MAML2: variants seen among roughly 807,000 people sequenced by gnomAD.
The protein encoded by MAML2 is mastermind-like protein 2.
In MAML2, 22 loss-of-function variants were observed where a neutral mutation model predicts 96.1. The observed-to-expected ratio is 0.23, with a 90% CI of 0.16 to 0.33. The LOEUF is 0.33. Ranked by LOEUF, MAML2 falls within the 10% of genes least tolerant of loss-of-function variation. The pLI, the probability that MAML2 is intolerant of heterozygous loss-of-function variation, is 1.00. For synonymous variants in MAML2, 561 were observed against 521.3 expected, an observed-to-expected ratio of 1.08 and a Z score of -1.04; for missense variants, 1,367 against 1,392.4, an observed-to-expected ratio of 0.98 and a Z score of 0.29.
chr11:96,006,973 G>A (rs555858041), intron 2 of MAML2, among the ~76,000 whole-genome samples: 1 of 151,220 alleles, frequency 6.6e-6, no homozygotes, highest in East Asian at 2.0e-4. Context: ...AGGTAGACTA[G>A]TAAGCCTAAA....
At position 96,093,071 on chromosome 11, in the gene MAML2, G is replaced by T; in HGVS notation, c.960C>A (p.Pro320=). The T allele has an allele frequency of 6.2e-7, 1 of 1,614,010 alleles. No individual in the cohort carries two copies. Among genetic ancestry groups the T allele is most frequent in the Non-Finnish European group, 8.5e-7 (1 of 1,179,890 alleles). ...TGTTCTCCAGTTCAAGGTCACTCAT[G>T]GGAGGCACAGATATGTTGGTCAGTT... The part of the protein sequence containing the change: ...FNELTNISVP[P]MSDLELENMI... Residue 320 remains proline (P), a synonymous_variant, in exon 2 of 5, where the codon CCC becomes CCA. Coordinates refer to ENST00000524717, the MANE Select transcript of MAML2 (RefSeq NM_032427.4).
intron 2 of MAML2, among the ~76,000 whole-genome samples, chr11:96,038,477 T>C (rs1858754456): frequency 6.6e-6 from 1 of 152,230 alleles, no homozygotes; most frequent in Non-Finnish European, 1.5e-5. Flanking sequence ...AAATTCAATG[T>C]TTTAAACTGG....
At chr11:96,243,809 A>G (rs1862473853) in intron 1 of MAML2, among the ~76,000 whole-genome samples, 1 of 151,904 alleles carries the variant, frequency 6.6e-6, no homozygotes, top group African/African-American at 2.4e-5. Flanking sequence ...GCACGCCACC[A>G]CGCCTGGCTA....
chr11:96,104,095 T>C (rs150107615), intron 1 of MAML2, among the ~76,000 whole-genome samples: 3 of 152,212 alleles, frequency 2.0e-5, no homozygotes, highest in Admixed American at 2.0e-4. Flanking sequence ...ATGTTTGTTT[T>C]CCATCTCTTG....
chr11:96,279,265 C>T (rs905177702), intron 1 of MAML2, among the ~76,000 whole-genome samples: 3 of 152,116 alleles, frequency 2.0e-5, no homozygotes, highest in African/African-American at 4.8e-5. Context: ...GACGTTACCA[C>T]GGAGACTGCA....
At chr11:96,279,421 C>T (rs1010682618) in intron 1 of MAML2, among the ~76,000 whole-genome samples, 1 of 152,176 alleles carries the variant, frequency 6.6e-6, no homozygotes, top group Non-Finnish European at 1.5e-5. Context: ...CTTATGATGA[C>T]CTTTTGTTCA....
chr11:96,276,898 A>G (rs1201652316), intron 1 of MAML2, among the ~76,000 whole-genome samples: 2 of 151,248 alleles, frequency 1.3e-5, no homozygotes, highest in Non-Finnish European at 2.9e-5. Flanking sequence ...AAATCTGGAT[A>G]GTACTATGAT....
At chr11:96,016,486 C>G (rs772195449) in intron 2 of MAML2, among the ~76,000 whole-genome samples, 1 of 152,180 alleles carries the variant, frequency 6.6e-6, no homozygotes, top group Non-Finnish European at 1.5e-5. Flanking sequence ...TCCACCATGC[C>G]TCTCACACCT....
chr11:96,291,559 TTCTTC>T (rs1404947682), intron 1 of MAML2, among the ~76,000 whole-genome samples: 3 of 152,200 alleles, frequency 2.0e-5, no homozygotes, highest in Non-Finnish European at 4.4e-5. Flanking sequence ...TTTTAGTGTA[TTCTTC>T]TCTTCTCATT....
intron 2 of MAML2, among the ~76,000 whole-genome samples, chr11:96,050,730 G>A (rs1858976551): frequency 6.6e-6 from 1 of 152,200 alleles, no homozygotes; most frequent in Non-Finnish European, 1.5e-5. Flanking sequence ...AGCAGTTCTT[G>A]TAACTAGCAT....
At chr11:96,180,720 AG>A (rs1861469952) in intron 1 of MAML2, among the ~76,000 whole-genome samples, 1 of 152,180 alleles carries the variant, frequency 6.6e-6, no homozygotes, top group Admixed American at 6.5e-5. Flanking sequence ...TTTGTTATGC[AG>A]TTATAGGAAC....
chr11:96,104,631 G>T (rs994717739), intron 1 of MAML2, among the ~76,000 whole-genome samples: 2 of 152,268 alleles, frequency 1.3e-5, no homozygotes, highest in South Asian at 4.1e-4. Context: ...CTGAAACAAG[G>T]TCTTTTTAAC....
intron 1 of MAML2, among the ~76,000 whole-genome samples, chr11:96,321,905 A>T (rs1406862131): frequency 4.6e-5 from 7 of 152,198 alleles, no homozygotes; most frequent in Non-Finnish European, 7.4e-5. Flanking sequence ...GATCATGAAC[A>T]GTTTTGAGTT....
At chr11:96,116,358 A>G (rs1390417078) in intron 1 of MAML2, among the ~76,000 whole-genome samples, 1 of 152,184 alleles carries the variant, frequency 6.6e-6, no homozygotes, top group Non-Finnish European at 1.5e-5. Context: ...CGACAAAGAC[A>G]ACACTCAGAT....
At position 96,093,357 on chromosome 11, in the gene MAML2, T is replaced by C; in HGVS notation, c.674A>G (p.Gln225Arg). ...GQGGLQINNG[Q>R]SQIMSGTLPM... The stretch of plus-strand genomic sequence containing the variant: ...CAAGGTCCCTGACATAATCTGACTT[T>C]GTCCATTGTTTATTTGGAGGCCACC... The change falls in exon 2 of 5, where the codon CAA becomes CGA. Residue 225 changes from glutamine to arginine, a missense_variant. Physicochemically the swap from Gln to Arg is conservative, Grantham distance 43 (BLOSUM62 1). Transcript: ENST00000524717. 1.2e-6 allele frequency: 2 copies of C among 1,614,014 alleles called. No individual in the cohort carries two copies. Among genetic ancestry groups the C allele is most frequent in the Admixed American group, 1.7e-5 (1 of 60,028 alleles).
chr11:96,196,723 A>G (rs192934389), intron 1 of MAML2, among the ~76,000 whole-genome samples: 98 of 152,346 alleles, frequency 6.4e-4, no homozygotes, highest in African/African-American at 2.1e-3. Flanking sequence ...GTCTAGGGTA[A>G]ATAAGGCTAA....
chr11:96,030,553 C>T (rs1158161682), intron 2 of MAML2, among the ~76,000 whole-genome samples: 1 of 152,150 alleles, frequency 6.6e-6, no homozygotes, highest in Non-Finnish European at 1.5e-5. Context: ...ATGGAAAAAA[C>T]AATTACATCT....
Position 96,172,584 on chromosome 11 carries a change from A to G in MAML2, c.514-79067T>C, listed in dbSNP as rs189721960. On this transcript the variant is annotated intron_variant, in intron 1 of 4. Coordinates refer to ENST00000524717, the MANE Select transcript of MAML2 (RefSeq NM_032427.4). The stretch of plus-strand genomic sequence containing the variant: ...TAAGATTCAGTGTCTGCAGCCATGC[A>G]TTTTTGTCCTGAAATGTTGCCCTTG... 2.9e-3 allele frequency among the ~76,000 whole-genome samples: 447 copies of G among 152,350 alleles called. 9 individuals carry two copies. Among genetic ancestry groups the G allele is most frequent in the Admixed American group, 0.019 (288 of 15,304 alleles).
chr11:96,086,245 GTGCTC>G (rs1859611287), intron 2 of MAML2, among the ~76,000 whole-genome samples: 1 of 152,140 alleles, frequency 6.6e-6, no homozygotes, highest in African/African-American at 2.4e-5. Flanking sequence ...CACATTGTAG[GTGCTC>G]AATACATTTT....
Sources: gnomAD v4.1 joint callset for allele counts (sites outside exome capture counted in the v4.1 genomes callset) on GRCh38, gnomAD v4.1.1 for gene constraint, MANE v1.5 for transcripts, NCBI Gene and HGNC (gene_info 2026-07-23, HGNC 2026-07-21) for gene names.